The following ABCA5 variants were observed in gnomAD, a reference collection of about 807,000 sequenced individuals.
The protein encoded by ABCA5 is ATP binding cassette subfamily A member 5, also known as cholesterol transporter ABCA5.
Under a neutral mutation model 206.0 loss-of-function variants are expected in ABCA5, and 163 were observed. The observed-to-expected ratio is 0.79, with a 90% CI of 0.70 to 0.90. The LOEUF (loss-of-function observed/expected upper bound fraction) is 0.90. Ranked by LOEUF, ABCA5 falls within the 40% of genes least tolerant of loss-of-function variation. The pLI is 0.00. For missense variants in ABCA5, 1,859 were observed against 1,912.9 expected (o/e 0.97, Z 0.53); for synonymous variants, 609 against 613.8 (o/e 0.99, Z 0.11).
chr17:69,258,438 TGTTCTCACTTATAA>T (rs926157286), intron 28 of ABCA5, among the ~76,000 whole-genome samples: 9 of 152,270 alleles, frequency 5.9e-5, no homozygotes, highest in African/African-American at 2.2e-4. Flanking sequence ...AAATACCACA[TGTTCTCACTTATAA>T]GTTCTCACTT....
chr17:69,259,701 C>T lies in ABCA5; in HGVS notation c.3731+5G>A. The stretch of plus-strand genomic sequence containing the variant: ...ACATTTAAAATTTTTAAAAAATCAA[C>T]TGACCTGAAAAAGGGATCTTTTCTT... On this transcript the variant is annotated splice_donor_5th_base_variant and intron_variant, in intron 28 of 38. Coordinates refer to ENST00000392676, the MANE Select transcript of ABCA5 (RefSeq NM_172232.4). 6.4e-7 allele frequency: 1 copy of T among 1,572,520 alleles called. No homozygotes were observed. Among genetic ancestry groups the T allele is most frequent in the Non-Finnish European group, 8.7e-7 (1 of 1,148,168 alleles).
At chr17:69,295,211 C>G (rs2075572796) in intron 10 of ABCA5, among the ~76,000 whole-genome samples, 1 of 152,162 alleles carries the variant, frequency 6.6e-6, no homozygotes, top group Non-Finnish European at 1.5e-5. Flanking sequence ...TCTGAAATGA[C>G]AGGTAACCGC....
At chr17:69,281,993 C>G (rs2144963145) in intron 18 of ABCA5, among the ~76,000 whole-genome samples, 1 of 152,256 alleles carries the variant, frequency 6.6e-6, no homozygotes. Flanking sequence ...AAACATTTTG[C>G]TAACCTTCGA....
intron 1 of ABCA5, among the ~76,000 whole-genome samples, chr17:69,320,281 G>A (rs2075852558): frequency 6.6e-6 from 1 of 152,146 alleles, no homozygotes; most frequent in Non-Finnish European, 1.5e-5. Context: ...AAAAGATGGG[G>A]TGAACTTCAT....
intron 32 of ABCA5, among the ~76,000 whole-genome samples, 173 bp from the exon 33 acceptor site, chr17:69,254,042 T>C (rs1037640783): frequency 1.1e-4 from 17 of 152,164 alleles, no homozygotes; most frequent in Non-Finnish European, 1.5e-4. Flanking sequence ...ATTAATATCT[T>C]GATAAAATGG....
At chr17:69,270,592 T>C (rs1175596534) in intron 22 of ABCA5, 21 bp downstream of exon 22, 42 of 1,555,570 alleles carry the variant, frequency 2.7e-5, no homozygotes, top group Non-Finnish European at 3.3e-5. Context: ...TGGAAATTTA[T>C]CTGTATATAC....
In ABCA5 at chr17:69,313,273, A is replaced by C; in HGVS notation, c.126T>G (p.Phe42Leu). The change falls in exon 3 of 39, where the codon TTT (phenylalanine) becomes TTG (leucine). Residue 42 changes from phenylalanine to leucine, a missense_variant. Physicochemically the swap from Phe to Leu is conservative, Grantham distance 22. Transcript: ENST00000392676. ...SVQEILFPLF[F>L]LFWLILISMM... ...TGCTAATTAATATTAACCAAAATAAAAAAAATAGTGGAAAAAGAATTTCCT... is the reference window on the plus strand; with the variant it reads ...TGCTAATTAATATTAACCAAAATAACAAAAATAGTGGAAAAAGAATTTCCT... 2 of 1,420,382 alleles carry C rather than the reference A, an allele frequency of 1.4e-6. No individual in the cohort carries two copies. The highest frequency in any genetic ancestry group is 1.9e-6 in the Non-Finnish European group (2 of 1,028,230). The allele number at this position is 1,420,382 out of a possible 1,614,324, so 88.0% of individuals were successfully genotyped here. A position where few individuals can be genotyped will look rare whatever the true frequency, so the allele number is the denominator to read the frequency against.
intron 23 of ABCA5, among the ~76,000 whole-genome samples, chr17:69,265,228 C>G (rs1327506777): frequency 6.6e-6 from 1 of 151,970 alleles, no homozygotes; most frequent in Non-Finnish European, 1.5e-5. Flanking sequence ...TAATAAATAG[C>G]CAAAACATTA....
chr17:69,284,830 A>G (rs1437910691), intron 17 of ABCA5, among the ~76,000 whole-genome samples: 1 of 152,236 alleles, frequency 6.6e-6, no homozygotes, highest in African/African-American at 2.4e-5. Context: ...TTTTGGTATT[A>G]TTAGAAAAAG....
Position 69,304,819 on chromosome 17 carries a change from A to T in ABCA5, c.789-9T>A, listed in dbSNP as rs766182840. 1.3e-6 allele frequency: 2 copies of T among 1,580,710 alleles called. No individual in the cohort carries two copies. The highest frequency in any genetic ancestry group is 1.7e-6 in the Non-Finnish European group (2 of 1,166,546). ...GAAGAACCCAGGAAAGCCTAAAATG[A>T]GAATACAGATATAGTTATGGTCAAA... On this transcript the variant is annotated splice_polypyrimidine_tract_variant and intron_variant, in intron 6 of 38. Transcript: ENST00000392676.
At chr17:69,274,250 G>T in intron 19 of ABCA5, 122 bp from the exon 20 acceptor site, 1 of 899,020 alleles carries the variant, frequency 1.1e-6, no homozygotes, top group Non-Finnish European at 1.6e-6. Flanking sequence ...ACAGGGTCTG[G>T]TTCTGTCACC....
chr17:69,260,325 CT>C lies in ABCA5; in HGVS notation c.3639+12del. ...AGGTACATGCTAATTCACAAAAACA[CT>C]TTATTTCTTACCGATATAACAGCTA... On this transcript the variant is annotated intron_variant, in intron 27 of 38. Transcript: ENST00000392676. 1.9e-6 allele frequency: 3 copies of C among 1,586,916 alleles called. No individual in the cohort carries two copies. Among genetic ancestry groups the C allele is most frequent in the South Asian group, 2.3e-5 (2 of 88,526 alleles).
At position 69,302,854 on chromosome 17, in the gene ABCA5, C is replaced by A. The variant is rs1158047605; in HGVS notation, c.983G>T (p.Gly328Val). Residue 328 changes from glycine to valine, a missense_variant, in exon 8 of 39, where the codon GGA becomes GTA. Gly to Val is a moderately radical substitution (Grantham distance 109). Transcript: ENST00000392676. Reference protein sequence around the residue: ...TPLFKKSKHVGIVEFFVTVAF... With the variant: ...TPLFKKSKHVVIVEFFVTVAF... ...CACAGTAACAAAAAATTCAACTATT[C>A]CCACATGTTTTGATTTTTTAAAAAG... 12 of 1,584,356 alleles carry A rather than the reference C, an allele frequency of 7.6e-6. No homozygotes were observed. In the Admixed American group the frequency reaches 1.2e-4, roughly 15 times the overall value.
In ABCA5 at chr17:69,315,956, GAAAC is replaced by G. The variant is rs369925321; in HGVS notation, c.-15-1530_-15-1527del. On this transcript the variant is annotated intron_variant, in intron 1 of 38. Coordinates refer to ENST00000392676, the MANE Select transcript of ABCA5 (RefSeq NM_172232.4). ...ATGAAAAATAGAAAATCTTAGCAAA[GAAAC>G]AAGACATTAAGCAGAATCAAATGGA... 6.2e-4 allele frequency among the ~76,000 whole-genome samples: 94 copies of G among 152,002 alleles called. 1 individual carries two copies. In the East Asian group the frequency reaches 0.015, roughly 25 times the overall value.
intron 1 of ABCA5, among the ~76,000 whole-genome samples, chr17:69,323,786 A>G (rs1420663352): frequency 2.0e-5 from 3 of 152,210 alleles, no homozygotes; most frequent in Non-Finnish European, 4.4e-5. Context: ...AAGATCAAGG[A>G]TGTGCAAACT....
At position 69,273,982 on chromosome 17, in the gene ABCA5, C is replaced by G. The variant is rs748711705; in HGVS notation, c.2741G>C (p.Ser914Thr). The change falls in exon 20 of 39, where the codon AGT (serine) becomes ACT (threonine). Residue 914 changes from serine to threonine, a missense_variant. Ser to Thr is a moderately conservative substitution (Grantham distance 58). Transcript: ENST00000392676. ...ACCAGCAGAATTTTGAAGAAGCAGA[C>G]TTGTTTTGTATTTATGTGGTTTGTC... ...PGDKPHKYKT[S>T]LLLQNSADSD... The G allele has an allele frequency of 1.6e-5, 26 of 1,604,544 alleles. No individual in the cohort carries two copies. The highest frequency in any genetic ancestry group is 2.7e-5 in the African/African-American group (2 of 74,096).
intron 36 of ABCA5, 30 bp from the exon 37 acceptor site, chr17:69,250,014 A>G: frequency 7.3e-7 from 1 of 1,366,982 alleles, no homozygotes; most frequent in South Asian, 1.6e-5. Context: ...ATGGAAAAAA[A>G]TTAAAAATTA....
At chr17:69,280,270 G>A (rs1439757012) in intron 18 of ABCA5, among the ~76,000 whole-genome samples, 2 of 152,150 alleles carry the variant, frequency 1.3e-5, no homozygotes, top group African/African-American at 4.8e-5. Context: ...GCAGCCAAAA[G>A]ACACATGAAA....
At position 69,244,513 on chromosome 17, in the gene ABCA5, ATAAT is replaced by A. The variant is rs1381818880; in HGVS notation, c.*3020_*3023del. 6.6e-6 allele frequency: 1 copy of A among 151,866 alleles called. No individual in the cohort carries two copies. Among genetic ancestry groups the A allele is most frequent in the Non-Finnish European group, 1.5e-5 (1 of 67,854 alleles). The allele number at this position is 151,866 out of a possible 1,614,324, so 9.4% of individuals were successfully genotyped here. ...TGCTTACATATATTATAAATAAAAA[ATAAT>A]TAAACTTTTACCTGATAAGAATAGC... On this transcript the variant is annotated 3_prime_UTR_variant, in exon 39 of 39. Coordinates refer to ENST00000392676, the MANE Select transcript of ABCA5 (RefSeq NM_172232.4).
Sources: gnomAD v4.1 joint callset for allele counts (sites outside exome capture counted in the v4.1 genomes callset) on GRCh38, gnomAD v4.1.1 for gene constraint, MANE v1.5 for transcripts, NCBI Gene and HGNC (gene_info 2026-07-23, HGNC 2026-07-21) for gene names.